RHOJ: variants seen among roughly 807,000 people sequenced by gnomAD.
The protein encoded by RHOJ is ras homolog family member J.
RHOJ carries 11 observed loss-of-function variants against 23.4 expected under a neutral mutation model. That is an observed-to-expected ratio of 0.47 (90% CI 0.30 to 0.78). The LOEUF (loss-of-function observed/expected upper bound fraction) is 0.78, where lower values mean the gene tolerates loss of function less well. Ranked by LOEUF, RHOJ falls within the 30% of genes least tolerant of loss-of-function variation. The pLI is 0.08. For synonymous variants in RHOJ, 102 were observed against 102.7 expected, an observed-to-expected ratio of 0.99 and a Z score of 0.04; for missense variants, 254 against 273.4, an observed-to-expected ratio of 0.93 and a Z score of 0.50.
At chr14:63,270,795 C>A (rs1264016316) in intron 2 of RHOJ, among the ~76,000 whole-genome samples, 1 of 152,164 alleles carries the variant, frequency 6.6e-6, no homozygotes, top group Non-Finnish European at 1.5e-5. Context: ...GACTCGGAAA[C>A]CTCTCTCTGG....
chr14:63,239,163 G>A (rs1424339093), intron 1 of RHOJ, among the ~76,000 whole-genome samples: 1 of 152,070 alleles, frequency 6.6e-6, no homozygotes. Flanking sequence ...CCAAGCTGGA[G>A]TTCAGTGGCA....
At chr14:63,280,473 A>C (rs2139663962) in intron 2 of RHOJ, among the ~76,000 whole-genome samples, 1 of 152,344 alleles carries the variant, frequency 6.6e-6, no homozygotes, top group South Asian at 2.1e-4. Context: ...CAGCATGATA[A>C]CTATAGTTAA....
chr14:63,291,653 A>G lies in RHOJ; in HGVS notation c.*629A>G, dbSNP rs1882257785. ...CACGTACCTCTGAATGCCCGATTATAAGAAGACATGAGAAGACTTTAAAAG... is the reference window on the plus strand; with the variant it reads ...CACGTACCTCTGAATGCCCGATTATGAGAAGACATGAGAAGACTTTAAAAG... On this transcript the variant is annotated 3_prime_UTR_variant, in exon 5 of 5. Transcript: ENST00000316754. 6.4e-6 allele frequency: 1 copy of G among 156,456 alleles called. No homozygotes were observed. Among genetic ancestry groups the G allele is most frequent in the African/African-American group, 2.4e-5 (1 of 41,460 alleles). The allele number at this position is 156,456 out of a possible 1,614,324, so 9.7% of individuals were successfully genotyped here. A position where few individuals can be genotyped will look rare whatever the true frequency, so the allele number is the denominator to read the frequency against.
chr14:63,278,534 G>A (rs555206398), intron 2 of RHOJ, among the ~76,000 whole-genome samples: 4 of 151,868 alleles, frequency 2.6e-5, no homozygotes, highest in African/African-American at 4.8e-5. Context: ...CCATCAACCC[G>A]TTATCTAATA....
At chr14:63,255,064 G>A (rs564395463) in intron 1 of RHOJ, among the ~76,000 whole-genome samples, 1 of 152,054 alleles carries the variant, frequency 6.6e-6, no homozygotes, top group Non-Finnish European at 1.5e-5. Context: ...TGACCCAGGG[G>A]AGCAAGAGAA....
At chr14:63,254,776 A>G (rs1157398996) in intron 1 of RHOJ, among the ~76,000 whole-genome samples, 1 of 151,944 alleles carries the variant, frequency 6.6e-6, no homozygotes, top group Non-Finnish European at 1.5e-5. Context: ...TGGTAGACAG[A>G]TGGACAGATG....
rs548507013 is a variant in RHOJ at position 63,277,905 on chromosome 14, G to A, written c.238-3066G>A. 4.6e-5 allele frequency among the ~76,000 whole-genome samples: 7 copies of A among 151,892 alleles called. No homozygotes were observed. The South Asian group carries it at 1.5e-3, about 32-fold the overall frequency. On this transcript the variant is annotated intron_variant, in intron 2 of 4. Coordinates refer to ENST00000316754, the MANE Select transcript of RHOJ (RefSeq NM_020663.5). ...TGTTTTTCAGAGCTAGTTGTGTAAA[G>A]AGGAGAGGGTAGTGCCAAGAATTTA...
rs1292711425 is a variant in RHOJ, at chr14:63,283,580, T to C, written c.498+364T>C. The stretch of plus-strand genomic sequence containing the variant: ...ACTGCTTATTATGGATGTAGCTCAT[T>C]TAAATAACCCCATAAGAGGCATTTT... On this transcript the variant is annotated intron_variant, in intron 4 of 4. Coordinates refer to ENST00000316754, the MANE Select transcript of RHOJ (RefSeq NM_020663.5). 2.0e-5 allele frequency among the ~76,000 whole-genome samples: 3 copies of C among 152,234 alleles called. No homozygotes were observed. In the East Asian group the frequency reaches 5.8e-4, roughly 29 times the overall value.
chr14:63,278,335 G>A (rs531799547), intron 2 of RHOJ, among the ~76,000 whole-genome samples: 5 of 152,206 alleles, frequency 3.3e-5, no homozygotes, highest in African/African-American at 1.2e-4. Context: ...CCACCAACAG[G>A]AGTGGACCAT....
chr14:63,229,196 GTCC>G (rs1446726740), intron 1 of RHOJ, among the ~76,000 whole-genome samples: 2 of 152,118 alleles, frequency 1.3e-5, no homozygotes, highest in Non-Finnish European at 2.9e-5. Context: ...TACAAAGTGA[GTCC>G]AAATAATTTG....
At chr14:63,254,668 T>C (rs1359098199) in intron 1 of RHOJ, among the ~76,000 whole-genome samples, 1 of 151,902 alleles carries the variant, frequency 6.6e-6, no homozygotes, top group Non-Finnish European at 1.5e-5. Flanking sequence ...TTTCCAAGGC[T>C]AGGGAGGAGA....
chr14:63,219,592 A>T (rs1313836149), intron 1 of RHOJ, among the ~76,000 whole-genome samples: 2 of 152,106 alleles, frequency 1.3e-5, no homozygotes, highest in East Asian at 3.9e-4. Flanking sequence ...CCAAGGCGGG[A>T]GGATCACAAG....
At chr14:63,224,284 T>C (rs1176997770) in intron 1 of RHOJ, among the ~76,000 whole-genome samples, 2 of 152,216 alleles carry the variant, frequency 1.3e-5, no homozygotes. Flanking sequence ...AGTTAATCTT[T>C]ATTTGTTCCT....
At chr14:63,281,309 A>T (rs2295161) in intron 3 of RHOJ, among the ~76,000 whole-genome samples, 174 bp downstream of exon 3, 2,850 of 152,292 alleles carry the variant, frequency 0.019, 74 homozygotes, top group East Asian at 0.096. Flanking sequence ...AGTGGAAAAG[A>T]TAATAGAGCT....
chr14:63,274,755 A>G (rs1881664984), intron 2 of RHOJ, among the ~76,000 whole-genome samples: 1 of 152,210 alleles, frequency 6.6e-6, no homozygotes, highest in Non-Finnish European at 1.5e-5. Flanking sequence ...GAACTTACCC[A>G]GGATCACACC....
chr14:63,224,165 A>T, intron 1 of RHOJ, among the ~76,000 whole-genome samples: 1 of 152,256 alleles, frequency 6.6e-6, no homozygotes, highest in East Asian at 1.9e-4. Flanking sequence ...TTAATTTATT[A>T]AATGTGCCAG....
intron 3 of RHOJ, among the ~76,000 whole-genome samples, chr14:63,282,080 T>G (rs1881921160): frequency 6.6e-6 from 1 of 152,238 alleles, no homozygotes; most frequent in Non-Finnish European, 1.5e-5. Flanking sequence ...GTAATCATAG[T>G]TAACGCTTCT....
chr14:63,291,230 T>C lies in RHOJ; in HGVS notation c.*206T>C. The C allele has an allele frequency of 1.6e-6, 1 of 606,794 alleles. No individual in the cohort carries two copies. The highest frequency in any genetic ancestry group is 3.0e-6 in the Non-Finnish European group (1 of 337,334). 37.6% of individuals were successfully genotyped at this position (606,794 alleles called of 1,614,324 possible). On this transcript the variant is annotated 3_prime_UTR_variant, in exon 5 of 5. Coordinates refer to ENST00000316754, the MANE Select transcript of RHOJ (RefSeq NM_020663.5). ...CCCTGCCAGCCAGAAGCATCCGTAC[T>C]GCACGCTGTCTGAGAATGCTGGGCC...
intron 1 of RHOJ, among the ~76,000 whole-genome samples, chr14:63,238,526 C>T (rs921726866): frequency 6.6e-6 from 1 of 152,152 alleles, no homozygotes; most frequent in Admixed American, 6.5e-5. Flanking sequence ...AAGCCATCCA[C>T]CCACCTCAGC....
Sources: gnomAD v4.1 joint callset for allele counts (sites outside exome capture counted in the v4.1 genomes callset) on GRCh38, gnomAD v4.1.1 for gene constraint, MANE v1.5 for transcripts, NCBI Gene and HGNC (gene_info 2026-07-23, HGNC 2026-07-21) for gene names.